The following RXRG variants were observed in gnomAD, a reference collection of about 807,000 sequenced individuals.
RXRG encodes retinoic acid receptor RXR-gamma.
Under a neutral mutation model 49.2 loss-of-function variants are expected in RXRG, and 19 were observed. The observed-to-expected ratio is 0.39, with a 90% CI of 0.27 to 0.57. The LOEUF (loss-of-function observed/expected upper bound fraction) is 0.57, where lower values mean the gene tolerates loss of function less well. Among genes scored for constraint, RXRG ranks in the 20% least tolerant of loss-of-function variants. RXRG has a pLI of 0.64. For synonymous variants in RXRG, 224 were observed against 216.6 expected (o/e 1.03, Z -0.30); for missense variants, 452 against 592.5 (o/e 0.76, Z 2.46).
At position 165,426,825 on chromosome 1, in the gene RXRG, GAGTC is replaced by G. The variant is rs1427877968; in HGVS notation, c.297+1890_297+1893del. ...TGATAAGTCCCAAGATCCACAGGGT[GAGTC>G]AGTGAGCTGGAGACCCAAAAAAGCT... is the stretch of plus-strand genomic sequence containing the variant. On this transcript the variant is annotated intron_variant, in intron 2 of 9. Coordinates refer to ENST00000359842, the MANE Select transcript of RXRG (RefSeq NM_006917.5). Among the ~76,000 whole-genome samples, 4 of 152,156 alleles carry G rather than the reference GAGTC, an allele frequency of 2.6e-5. No homozygotes were observed. In the East Asian group the frequency reaches 7.7e-4, roughly 29 times the overall value.
At chr1:165,433,964 G>A (rs893569646) in intron 1 of RXRG, among the ~76,000 whole-genome samples, 10 of 152,180 alleles carry the variant, frequency 6.6e-5, no homozygotes, top group African/African-American at 1.4e-4. Context: ...TGGCTTCAGG[G>A]ATGCAGGACT....
Position 165,401,061 on chromosome 1 carries a change from C to T in RXRG, c.*202G>A. On this transcript the variant is annotated 3_prime_UTR_variant, in exon 10 of 10. Transcript: ENST00000359842. ...CCAGAAAGTCTCCCAGCCCTGTAGA[C>T]AGCAAAGCGTATTACCTTTAACATC... 1 of 541,520 alleles carries T rather than the reference C, an allele frequency of 1.8e-6. No individual in the cohort carries two copies. Among genetic ancestry groups the T allele is most frequent in the Non-Finnish European group, 3.2e-6 (1 of 311,112 alleles). The allele number at this position is 541,520 out of a possible 1,614,324, so 33.5% of individuals were successfully genotyped here. A position where few individuals can be genotyped will look rare whatever the true frequency, so the allele number is the denominator to read the frequency against.
chr1:165,407,911 A>T (rs1657808398), intron 8 of RXRG, among the ~76,000 whole-genome samples: 1 of 151,738 alleles, frequency 6.6e-6, no homozygotes, highest in African/African-American at 2.4e-5. Flanking sequence ...CTCATTCTAT[A>T]TTCAATCCAT....
intron 2 of RXRG, among the ~76,000 whole-genome samples, chr1:165,423,329 G>A (rs373786413): frequency 3.0e-4 from 46 of 152,292 alleles, no homozygotes; most frequent in African/African-American, 9.9e-4. Flanking sequence ...GCTGCTGCAC[G>A]CAAGCCAGCT....
chr1:165,444,326 C>T (rs1012667254), intron 1 of RXRG, among the ~76,000 whole-genome samples: 1 of 152,150 alleles, frequency 6.6e-6, no homozygotes, highest in Non-Finnish European at 1.5e-5. Context: ...AATTAAAGCA[C>T]TATGTTTTCT....
At chr1:165,443,648 GT>G (rs1445433329) in intron 1 of RXRG, among the ~76,000 whole-genome samples, 1 of 152,162 alleles carries the variant, frequency 6.6e-6, no homozygotes, top group Non-Finnish European at 1.5e-5. Context: ...TGTATTCCCA[GT>G]GCCCAACACC....
intron 1 of RXRG, among the ~76,000 whole-genome samples, chr1:165,439,743 G>A (rs1658923168): frequency 6.6e-6 from 1 of 152,232 alleles, no homozygotes; most frequent in Non-Finnish European, 1.5e-5. Flanking sequence ...GAAATTTAAT[G>A]TCTAACATCT....
At position 165,439,267 on chromosome 1, in the gene RXRG, C is replaced by T. The variant is rs1420017668; in HGVS notation, c.49+5578G>A. 6.2e-3 allele frequency among the ~76,000 whole-genome samples: 447 copies of T among 72,342 alleles called. 4 individuals are homozygous for T. The highest frequency in any genetic ancestry group is 0.024 in the African/African-American group (424 of 17,470). 47.5% of individuals were successfully genotyped at this position (72,342 alleles called of 152,430 possible). ...CATTACAGATTTTAGGGGAGGGGGGCGGGGGTGGAGGAAGATGGGAGGAGT... is the reference window on the plus strand; with the variant it reads ...CATTACAGATTTTAGGGGAGGGGGGTGGGGGTGGAGGAAGATGGGAGGAGT... On this transcript the variant is annotated intron_variant, in intron 1 of 9. Transcript: ENST00000359842.
chr1:165,413,451 G>A (rs1295995410), intron 4 of RXRG, among the ~76,000 whole-genome samples: 2 of 152,132 alleles, frequency 1.3e-5, no homozygotes, highest in Admixed American at 6.5e-5. Context: ...ACGAGCCACA[G>A]AGAAACTAGT....
Position 165,437,075 on chromosome 1 carries a change from C to G in RXRG, c.49+7770G>C. 5.2e-6 allele frequency: 7 copies of G among 1,336,618 alleles called. No individual in the cohort carries two copies. The South Asian group carries it at 7.3e-5, about 14-fold the overall frequency. 82.8% of individuals were successfully genotyped at this position (1,336,618 alleles called of 1,614,324 possible). A position where few individuals can be genotyped will look rare whatever the true frequency, so the allele number is the denominator to read the frequency against. On this transcript the variant is annotated intron_variant, in intron 1 of 9. Transcript: ENST00000359842. ...TGACTCAAAATCTCCTTTGCTCCTC[C>G]TTTTCATTTTACTGGTCACTAGTGT...
Position 165,406,894 on chromosome 1 carries a change from A to G in RXRG, c.1162T>C (p.Ser388Pro). Reference sequence around the variant, plus strand: ...TTCTCTCGCAGAGTCTCCACCTCAGAGGGGTTGGACAGGCCCTTGGCATCT... The same window carrying G: ...TTCTCTCGCAGAGTCTCCACCTCAGGGGGGTTGGACAGGCCCTTGGCATCT... ...NPDAKGLSNPSEVETLREKVY... is the reference protein window; with the variant it reads ...NPDAKGLSNPPEVETLREKVY... Residue 388 changes from serine (S) to proline (P), a missense_variant, in exon 9 of 10, where the codon TCT (serine) becomes CCT (proline). Transcript: ENST00000359842. 6.2e-7 allele frequency: 1 copy of G among 1,613,800 alleles called. No homozygotes were observed. Among genetic ancestry groups the G allele is most frequent in the East Asian group, 2.2e-5 (1 of 44,864 alleles).
At position 165,401,114 on chromosome 1, in the gene RXRG, CAT is replaced by C. The variant is rs555316261; in HGVS notation, c.*147_*148del. ...TACAAAAGTCCACCTATAAAAGTCT[CAT>C]GTGTAGAAAGGTTTTCTTTATTATA... On this transcript the variant is annotated 3_prime_UTR_variant, in exon 10 of 10. Transcript: ENST00000359842. 7.5e-4 allele frequency: 497 copies of C among 666,952 alleles called. 4 individuals carry two copies. The African/African-American group carries it at 8.2e-3, about 11-fold the overall frequency. 41.3% of individuals were successfully genotyped at this position (666,952 alleles called of 1,614,324 possible). A position where few individuals can be genotyped will look rare whatever the true frequency, so the allele number is the denominator to read the frequency against.
intron 4 of RXRG, among the ~76,000 whole-genome samples, chr1:165,414,635 G>A (rs908420559): frequency 2.6e-5 from 4 of 152,150 alleles, no homozygotes; most frequent in Non-Finnish European, 5.9e-5. Context: ...GCAGTCACTG[G>A]ACTCTTGTTA....
chr1:165,419,775 C>G, intron 3 of RXRG, 95 bp downstream of exon 3: 4 of 1,145,654 alleles, frequency 3.5e-6, no homozygotes, highest in Non-Finnish European at 4.7e-6. Context: ...TCCTAAAGGG[C>G]CATTTTCCTT....
intron 1 of RXRG, among the ~76,000 whole-genome samples, chr1:165,442,493 G>A (rs531453407): frequency 3.3e-5 from 5 of 152,266 alleles, no homozygotes; most frequent in South Asian, 2.1e-4. Context: ...TCCTTCCATA[G>A]CTGAACCATT....
intron 1 of RXRG, chr1:165,437,111 C>T (rs1167177660): frequency 7.3e-7 from 1 of 1,363,352 alleles, no homozygotes; most frequent in Non-Finnish European, 9.8e-7. Flanking sequence ...CATGGGGAAG[C>T]AGCCTCCTGG....
chr1:165,423,711 G>A (rs746506397), intron 2 of RXRG, among the ~76,000 whole-genome samples: 1 of 148,116 alleles, frequency 6.8e-6, no homozygotes, highest in African/African-American at 2.5e-5. Flanking sequence ...GCTGGGGGCG[G>A]TGGGGAGGGA....
At chr1:165,418,945 G>C (rs967618572) in intron 3 of RXRG, among the ~76,000 whole-genome samples, 2 of 152,204 alleles carry the variant, frequency 1.3e-5, no homozygotes, top group African/African-American at 4.8e-5. Context: ...TTTCAATGGA[G>C]TGACATTCTT....
At position 165,401,160 on chromosome 1, in the gene RXRG, C is replaced by G; in HGVS notation, c.*103G>C. ...TATTATAAGCATCACATTTTGGGGA[C>G]AGGAAGGGGGTCAGGGTGGGAGGTG... On this transcript the variant is annotated 3_prime_UTR_variant, in exon 10 of 10. Coordinates refer to ENST00000359842, the MANE Select transcript of RXRG (RefSeq NM_006917.5). The G allele has an allele frequency of 9.3e-7, 1 of 1,074,472 alleles. No individual in the cohort carries two copies. The highest frequency in any genetic ancestry group is 1.4e-6 in the Non-Finnish European group (1 of 734,106). The allele number at this position is 1,074,472 out of a possible 1,614,324, so 66.6% of individuals were successfully genotyped here.
Sources: allele counts gnomAD v4.1 joint callset (sites outside exome capture counted in the v4.1 genomes callset), GRCh38; gene constraint gnomAD v4.1.1; transcripts MANE v1.5; gene names NCBI Gene and HGNC (gene_info 2026-07-23, HGNC 2026-07-21).